Variants in LY86 observed in about 807,000 individuals in gnomAD.
LY86 encodes MD-1, RP105-associated.
In LY86, 20 loss-of-function variants were observed where a neutral mutation model predicts 17.3. That is an observed-to-expected ratio of 1.15 (90% CI 0.81 to 1.68). LY86 has a LOEUF of 1.68. Ranked by LOEUF, LY86 falls within the 40% of genes most tolerant of loss-of-function variation. The probability of loss-of-function intolerance (pLI) is 0.00; values close to 1 mark genes in which losing one functional copy is unlikely to be tolerated. For synonymous variants in LY86, 74 were observed against 70.6 expected, an observed-to-expected ratio of 1.05 and a Z score of -0.24; for missense variants, 200 against 191.9, an observed-to-expected ratio of 1.04 and a Z score of -0.25.
At chr6:6,649,522 G>A in intron 3 of LY86, 103 bp from the exon 4 acceptor site, 1 of 691,962 alleles carries the variant, frequency 1.4e-6, no homozygotes, top group Non-Finnish European at 2.5e-6. Context: ...CTCTTATTTT[G>A]GTGCCAATAA....
chr6:6,592,850 C>T (rs780856149), intron 1 of LY86, among the ~76,000 whole-genome samples: 5 of 152,104 alleles, frequency 3.3e-5, no homozygotes, highest in Non-Finnish European at 7.4e-5. Flanking sequence ...TGTTTAAGCC[C>T]CCCAGTCTAT....
intron 4 of LY86, among the ~76,000 whole-genome samples, chr6:6,650,339 G>GT (rs138255515): frequency 0.53 from 77,908 of 147,818 alleles, 20,603 homozygotes; most frequent in South Asian, 0.67. Context: ...CTCAGATAAT[G>GT]GTTTTTTTTT....
chr6:6,637,252 C>T (rs1256628269), intron 3 of LY86, among the ~76,000 whole-genome samples: 4 of 152,140 alleles, frequency 2.6e-5, no homozygotes, highest in Admixed American at 2.0e-4. Flanking sequence ...ACCTCGTGAT[C>T]AGCCCACCTC....
intron 1 of LY86, among the ~76,000 whole-genome samples, chr6:6,618,883 A>G (rs1184372721): frequency 1.3e-5 from 2 of 152,230 alleles, no homozygotes; most frequent in Non-Finnish European, 2.9e-5. Context: ...AACCACAGCT[A>G]GAATACATTT....
chr6:6,603,178 C>T (rs1284777960), intron 1 of LY86, among the ~76,000 whole-genome samples: 2 of 152,082 alleles, frequency 1.3e-5, no homozygotes, highest in African/African-American at 4.8e-5. Flanking sequence ...GCCCTCATGA[C>T]CTGATGATGT....
intron 1 of LY86, among the ~76,000 whole-genome samples, chr6:6,594,690 GTATT>G (rs1218733338): frequency 2.0e-5 from 3 of 152,262 alleles, no homozygotes; most frequent in East Asian, 1.9e-4. Context: ...TGATTGCAAG[GTATT>G]TATAAGATCC....
intron 4 of LY86, among the ~76,000 whole-genome samples, chr6:6,653,034 C>T (rs928806276): frequency 6.6e-6 from 1 of 152,220 alleles, no homozygotes; most frequent in African/African-American, 2.4e-5. Flanking sequence ...AATTCTCTAA[C>T]ATTTGGACTG....
intron 1 of LY86, among the ~76,000 whole-genome samples, chr6:6,603,654 CAG>C (rs79438827): frequency 0.075 from 10,037 of 133,264 alleles, 574 homozygotes; most frequent in Middle Eastern, 0.16. Context: ...CACACACACA[CAG>C]AGTGGAAAAC....
chr6:6,598,346 CTCTT>C (rs1451352682), intron 1 of LY86, among the ~76,000 whole-genome samples: 5 of 151,468 alleles, frequency 3.3e-5, no homozygotes, highest in Admixed American at 1.3e-4. Flanking sequence ...TTACATTTAT[CTCTT>C]TATTATCTTT....
Position 6,592,253 on chromosome 6 carries a change from G to A in LY86, c.136+3383G>A, listed in dbSNP as rs796896117. 1.1e-4 allele frequency among the ~76,000 whole-genome samples: 17 copies of A among 152,288 alleles called. 1 individual carries two copies. The highest frequency in any genetic ancestry group is 3.4e-4 in the African/African-American group (14 of 41,554). ...AGTTTTCTGAAAAAGCAGAAGTCCT[G>A]GCCTGGCCAACTGTCAATGACACAG... On this transcript the variant is annotated intron_variant, in intron 1 of 4. Transcript: ENST00000230568.
intron 1 of LY86, among the ~76,000 whole-genome samples, chr6:6,612,874 C>T (rs1282816115): frequency 1.3e-5 from 2 of 151,730 alleles, no homozygotes; most frequent in Non-Finnish European, 2.9e-5. Flanking sequence ...ATTTACATTC[C>T]CTTAGCTAGA....
intron 3 of LY86, among the ~76,000 whole-genome samples, chr6:6,632,063 G>A (rs746848104): frequency 1.3e-5 from 2 of 152,202 alleles, no homozygotes; most frequent in Admixed American, 6.5e-5. Flanking sequence ...ACAGGTATGC[G>A]GGGGCTGTCA....
chr6:6,603,745 G>A (rs1761001216), intron 1 of LY86, among the ~76,000 whole-genome samples: 2 of 151,920 alleles, frequency 1.3e-5, no homozygotes, highest in Admixed American at 1.3e-4. Context: ...GGCTGTGCAT[G>A]AGTTTGGTAA....
At chr6:6,618,327 G>A (rs1278687362) in intron 1 of LY86, among the ~76,000 whole-genome samples, 1 of 152,190 alleles carries the variant, frequency 6.6e-6, no homozygotes, top group East Asian at 1.9e-4. Context: ...GCTGATAGAA[G>A]CCAAACTTAG....
At chr6:6,652,184 C>T (rs1437532111) in intron 4 of LY86, among the ~76,000 whole-genome samples, 2 of 151,438 alleles carry the variant, frequency 1.3e-5, no homozygotes, top group African/African-American at 4.9e-5. Flanking sequence ...GGTACTCAAG[C>T]AAATATTGCC....
intron 3 of LY86, among the ~76,000 whole-genome samples, chr6:6,648,995 A>G (rs1762147133): frequency 2.0e-5 from 3 of 152,234 alleles, no homozygotes; most frequent in Admixed American, 2.0e-4. Context: ...AATATGCATT[A>G]GTTCATTTTC....
chr6:6,632,958 A>G (rs1465188427), intron 3 of LY86, among the ~76,000 whole-genome samples: 3 of 152,196 alleles, frequency 2.0e-5, no homozygotes, highest in Admixed American at 1.3e-4. Flanking sequence ...GAATGGAGTC[A>G]AGTTCACTCC....
At chr6:6,619,558 G>A (rs1315178006) in intron 1 of LY86, among the ~76,000 whole-genome samples, 3 of 152,260 alleles carry the variant, frequency 2.0e-5, no homozygotes, top group Non-Finnish European at 4.4e-5. Context: ...TAAGCTGCCT[G>A]TGGCTGGTAA....
intron 1 of LY86, among the ~76,000 whole-genome samples, chr6:6,592,603 G>A (rs1325883355): frequency 6.6e-6 from 1 of 152,220 alleles, no homozygotes; most frequent in Non-Finnish European, 1.5e-5. Context: ...TAATCCCAGT[G>A]TGACAGCATT....
Sources: gnomAD v4.1 joint callset for allele counts (sites outside exome capture counted in the v4.1 genomes callset) on GRCh38, gnomAD v4.1.1 for gene constraint, MANE v1.5 for transcripts, NCBI Gene and HGNC (gene_info 2026-07-23, HGNC 2026-07-21) for gene names.